IARS1: variants seen among roughly 807,000 people sequenced by gnomAD.
The protein encoded by IARS1 is isoleucine--tRNA ligase, cytoplasmic.
In IARS1, 124 loss-of-function variants were observed where a neutral mutation model predicts 168.2. The observed-to-expected ratio is 0.74, with a 90% CI of 0.64 to 0.86. The LOEUF is 0.86. IARS1 is among the 40% of genes least tolerant of loss of function. The pLI, the probability that IARS1 is intolerant of heterozygous loss-of-function variation, is 0.00. For missense variants in IARS1, 1,452 were observed against 1,515.8 expected, an observed-to-expected ratio of 0.96 and a Z score of 0.70; for synonymous variants, 532 against 529.4, an observed-to-expected ratio of 1.00 and a Z score of -0.07.
chr9:92,236,724 C>T (rs1827596137), intron 30 of IARS1, among the ~76,000 whole-genome samples: 1 of 152,160 alleles, frequency 6.6e-6, no homozygotes, highest in East Asian at 1.9e-4. Flanking sequence ...TGTGGCACAC[C>T]TGGAATCCCA....
intron 33 of IARS1, among the ~76,000 whole-genome samples, chr9:92,213,603 G>A (rs970173468): frequency 6.6e-6 from 1 of 152,216 alleles, no homozygotes; most frequent in Non-Finnish European, 1.5e-5. Flanking sequence ...AGAGCCTTCA[G>A]AGAGACTGTG....
intron 15 of IARS1, among the ~76,000 whole-genome samples, 178 bp from the exon 16 acceptor site, chr9:92,265,301 G>A (rs754278493): frequency 6.6e-6 from 1 of 152,204 alleles, no homozygotes; most frequent in African/African-American, 2.4e-5. Flanking sequence ...GAAAGGTTAT[G>A]CACCATTCAC....
intron 33 of IARS1, among the ~76,000 whole-genome samples, chr9:92,220,308 C>T (rs1366706079): frequency 1.2e-3 from 164 of 139,844 alleles, no homozygotes; most frequent in African/African-American, 4.1e-3. Context: ...GGGAGATATA[C>T]CTAATGCTAG....
rs1007712335 is a variant in IARS1, at chr9:92,289,363, C to T, written c.57G>A (p.Leu19=). The change falls in exon 2 of 34, where the codon TTG becomes TTA. Residue 19 remains leucine (L), a synonymous_variant. Coordinates refer to ENST00000443024, the MANE Select transcript of IARS1 (RefSeq NM_002161.6). Reference sequence around the variant, plus strand: ...AACAATTAAATTCAGTCCAAAACTCCAAGATTTTCTCTTCTTCAGCAGGAA... The same window carrying T: ...AACAATTAAATTCAGTCCAAAACTCTAAGATTTTCTCTTCTTCAGCAGGAA... ...INFPAEEEKI[L]EFWTEFNCFQ... The T allele has an allele frequency of 3.1e-6, 5 of 1,597,734 alleles. No homozygotes were observed. In the Admixed American group the frequency reaches 5.0e-5, roughly 16 times the overall value.
chr9:92,229,358 T>TACACACACAC (rs113517739), intron 30 of IARS1, among the ~76,000 whole-genome samples: 4,300 of 144,858 alleles, frequency 0.03, 188 homozygotes, highest in African/African-American at 0.095. Context: ...ATATATACAC[T>TACACACACAC]ACACACACAC....
intron 30 of IARS1, among the ~76,000 whole-genome samples, chr9:92,237,704 T>G (rs893491858): frequency 2.0e-5 from 3 of 152,236 alleles, no homozygotes; most frequent in Non-Finnish European, 4.4e-5. Flanking sequence ...CATTATTTAA[T>G]GCCCCTGGTA....
chr9:92,271,553 A>G lies in IARS1; in HGVS notation c.1093T>C (p.Phe365Leu), dbSNP rs918911350. The stretch of plus-strand genomic sequence containing the variant: ...CAGACCTTCACATACTGTCCTGCGA[A>G]ATCTGTCACCTCCGTTGTGAAGCAG... ...SGCFTTEVTD[F>L]AGQYVKDADK... The change falls in exon 11 of 34, where the codon TTC (phenylalanine) becomes CTC (leucine). Residue 365 changes from phenylalanine to leucine, a missense_variant. Physicochemically the swap from Phe to Leu is conservative, Grantham distance 22. Coordinates refer to ENST00000443024, the MANE Select transcript of IARS1 (RefSeq NM_002161.6). 4.3e-6 allele frequency: 7 copies of G among 1,614,012 alleles called. No homozygotes were observed. Among genetic ancestry groups the G allele is most frequent in the Non-Finnish European group, 5.9e-6 (7 of 1,179,970 alleles).
At chr9:92,225,590 T>A (rs79938424) in intron 31 of IARS1, among the ~76,000 whole-genome samples, 17 of 151,344 alleles carry the variant, frequency 1.1e-4, no homozygotes, top group African/African-American at 3.4e-4. Flanking sequence ...TTTTTTTTTT[T>A]AATCTACTAG....
Position 92,256,717 on chromosome 9 carries a change from C to T in IARS1, c.2100G>A (p.Met700Ile). The T allele has an allele frequency of 1.2e-6, 2 of 1,613,818 alleles. No individual in the cohort carries two copies. The highest frequency in any genetic ancestry group is 1.7e-6 in the Non-Finnish European group (2 of 1,179,796). ...TCTCAAAGAAGCCAATGAGAGACTG[C>T]ATGAAGGACAGGATCCACCGGTCTG... ...NITDRWILSF[M>I]QSLIGFFETE... The change falls in exon 20 of 34, where the codon ATG (methionine) becomes ATA (isoleucine). Residue 700 changes from methionine to isoleucine, a missense_variant. Met to Ile is a conservative substitution (Grantham distance 10). Coordinates refer to ENST00000443024, the MANE Select transcript of IARS1 (RefSeq NM_002161.6).
chr9:92,263,915 T>C (rs1457670109), intron 16 of IARS1, among the ~76,000 whole-genome samples: 1 of 152,220 alleles, frequency 6.6e-6, no homozygotes, highest in Non-Finnish European at 1.5e-5. Context: ...AGGACTGGAA[T>C]CTGAAGACAG....
At chr9:92,280,722 A>G (rs758933908) in intron 7 of IARS1, 24 bp downstream of exon 7, 5 of 1,538,842 alleles carry the variant, frequency 3.2e-6, no homozygotes, top group Non-Finnish European at 4.4e-6. Context: ...CATATTAATC[A>G]TAAGTAACCA....
At chr9:92,264,188 A>G (rs1351600619) in intron 16 of IARS1, among the ~76,000 whole-genome samples, 1 of 152,048 alleles carries the variant, frequency 6.6e-6, no homozygotes, top group Non-Finnish European at 1.5e-5. Flanking sequence ...TACAAAAATT[A>G]GCTGGGCATG....
chr9:92,290,941 C>T (rs1836223563), intron 1 of IARS1, among the ~76,000 whole-genome samples: 1 of 152,124 alleles, frequency 6.6e-6, no homozygotes, highest in Non-Finnish European at 1.5e-5. Flanking sequence ...ATGAGAATCT[C>T]ACATTCAAAT....
At chr9:92,254,797 C>T (rs951286261) in intron 20 of IARS1, among the ~76,000 whole-genome samples, 3 of 152,124 alleles carry the variant, frequency 2.0e-5, no homozygotes, top group African/African-American at 7.2e-5. Context: ...TCCTCTCATA[C>T]CCACAGTGCT....
chr9:92,260,981 C>T (rs903152386), intron 17 of IARS1, among the ~76,000 whole-genome samples: 3 of 152,078 alleles, frequency 2.0e-5, no homozygotes, highest in Non-Finnish European at 4.4e-5. Context: ...TTGGTAGGTG[C>T]AGTCATCTAA....
Position 92,251,822 on chromosome 9 carries a change from G to C in IARS1, c.2293C>G (p.Leu765Val), listed in dbSNP as rs1221215028. The change falls in exon 22 of 34, where the codon CTT (leucine) becomes GTT (valine). Residue 765 changes from leucine to valine, a missense_variant. By Grantham distance (32) the Leu-to-Val change is conservative. Transcript: ENST00000443024. Reference protein sequence around the residue: ...LETLFSVLLSLCRLMAPYTPF... With the variant: ...LETLFSVLLSVCRLMAPYTPF... Reference sequence around the variant, plus strand: ...AATCATCTTACCATAAGTCTGCAAAGAGAAAGCAGAACACTAAACAAGGTT... The same window carrying C: ...AATCATCTTACCATAAGTCTGCAAACAGAAAGCAGAACACTAAACAAGGTT... The C allele has an allele frequency of 6.2e-7, 1 of 1,613,604 alleles. No homozygotes were observed.
rs776702276 is a variant in IARS1 at position 92,271,601 on chromosome 9, CAG to C, written c.1043_1044del (p.Pro348ArgfsTer26). ...CAGCCTGAAGCATCCACAGGGCAAA[CAG>C]GGAGTGAGTCTTTCCGAATAATGTT... ...DFNIIRKDSL[P>X]VCPVDASGCF... On this transcript the variant is annotated frameshift_variant, in exon 11 of 34. Transcript: ENST00000443024. LOFTEE classifies it high-confidence loss of function. 4 of 1,614,090 alleles carry C rather than the reference CAG, an allele frequency of 2.5e-6. No homozygotes were observed. In the South Asian group the frequency reaches 3.3e-5, roughly 13 times the overall value.
Position 92,214,773 on chromosome 9 carries a change from G to A in IARS1, c.3707-3884C>T, listed in dbSNP as rs532510896. Among the ~76,000 whole-genome samples, 9 of 152,312 alleles carry A rather than the reference G, an allele frequency of 5.9e-5. No homozygotes were observed. In the South Asian group the frequency reaches 1.0e-3, roughly 18 times the overall value. On this transcript the variant is annotated intron_variant, in intron 33 of 33. Transcript: ENST00000443024. ...CCGCACCTAGCTCGGAGGGTCCTAC[G>A]CCCACGGAGTCTCGCTGATTGCTAG...
intron 30 of IARS1, among the ~76,000 whole-genome samples, chr9:92,230,315 G>A (rs1431235875): frequency 6.6e-6 from 1 of 152,052 alleles, no homozygotes; most frequent in Non-Finnish European, 1.5e-5. Flanking sequence ...GTTTCACCAT[G>A]TTGGCCAGGC....
Sources: gnomAD v4.1 joint callset for allele counts (sites outside exome capture counted in the v4.1 genomes callset) on GRCh38, gnomAD v4.1.1 for gene constraint, MANE v1.5 for transcripts, NCBI Gene and HGNC (gene_info 2026-07-23, HGNC 2026-07-21) for gene names.